Variants in TRPC6 observed in about 807,000 individuals in gnomAD.
The protein encoded by TRPC6 is transient receptor potential cation channel subfamily C member 6, also known as short transient receptor potential channel 6.
A neutral mutation model predicts 90.7 loss-of-function variants in TRPC6; 55 were observed. The ratio of observed to expected loss-of-function variants is 0.61; its 90% CI spans 0.49 to 0.76. TRPC6 has a LOEUF of 0.76. Ranked by LOEUF, TRPC6 falls within the 30% of genes least tolerant of loss-of-function variation. The probability of loss-of-function intolerance (pLI) is 0.00; values close to 1 mark genes in which losing one functional copy is unlikely to be tolerated. For synonymous variants in TRPC6, 393 were observed against 393.0 expected (o/e 1.00, Z 0.00); for missense variants, 989 against 1,122.7 (o/e 0.88, Z 1.70).
At chr11:101,538,692 C>T (rs1027095737) in intron 1 of TRPC6, among the ~76,000 whole-genome samples, 7 of 152,142 alleles carry the variant, frequency 4.6e-5, no homozygotes, top group Non-Finnish European at 8.8e-5. Flanking sequence ...AGGCAGGAGA[C>T]GTAAGGCAGA....
chr11:101,541,213 T>G lies in TRPC6; in HGVS notation c.171-36415A>C, dbSNP rs188094665. 7.8e-3 allele frequency among the ~76,000 whole-genome samples: 1,194 copies of G among 152,332 alleles called. 12 individuals carry two copies. Among genetic ancestry groups the G allele is most frequent in the South Asian group, 0.017 (82 of 4,822 alleles). ...TGATAGATAAAAGCCAGTCTTTTTG[T>G]TTTTTTCTATGATGAAAACATATCC... On this transcript the variant is annotated intron_variant, in intron 1 of 12. Transcript: ENST00000344327.
At chr11:101,525,898 C>T (rs567207577) in intron 1 of TRPC6, among the ~76,000 whole-genome samples, 17 of 152,294 alleles carry the variant, frequency 1.1e-4, no homozygotes, top group Admixed American at 2.6e-4. Flanking sequence ...AAGGAGGCAT[C>T]GCCAGCAGGA....
intron 10 of TRPC6, among the ~76,000 whole-genome samples, chr11:101,463,055 T>C (rs1859044777): frequency 6.6e-6 from 1 of 152,234 alleles, no homozygotes. Flanking sequence ...TTTCTGCATC[T>C]ATTGAGATAA....
In TRPC6 at chr11:101,504,459, A is replaced by T. The variant is rs1253474684; in HGVS notation, c.510T>A (p.Ser170Arg). The change falls in exon 2 of 13, where the codon AGT becomes AGA. Residue 170 changes from serine to arginine, a missense_variant. By Grantham distance (110) the Ser-to-Arg change is moderately radical (BLOSUM62 -1). This residue lies in a region of TRPC6 where 486 missense variants were observed against 591.9 expected (regional missense o/e 0.82). Coordinates refer to ENST00000344327, the MANE Select transcript of TRPC6 (RefSeq NM_004621.6). ...CTTCCACAATCCGAACATAACCTTT[A>T]CTAATAGCTAGAAGCAAAGCATCCC... The part of the protein sequence containing the change: ...RVGDALLLAI[S>R]KGYVRIVEAI... 6.2e-7 allele frequency: 1 copy of T among 1,614,068 alleles called. No individual in the cohort carries two copies. Among genetic ancestry groups the T allele is most frequent in the South Asian group, 1.1e-5 (1 of 91,078 alleles).
chr11:101,579,468 A>G (rs1004535923), intron 1 of TRPC6, among the ~76,000 whole-genome samples: 1 of 152,042 alleles, frequency 6.6e-6, no homozygotes, highest in African/African-American at 2.4e-5. Flanking sequence ...CTCTTGGTCG[A>G]TTGTTTCCTT....
chr11:101,471,255 C>T lies in TRPC6; in HGVS notation c.2337G>A (p.Lys779=), dbSNP rs201289003. ...SPKSLFYLLL[K]LKKWISELFQ... is the part of the protein sequence containing the mutation. ...ACAGCTCAGAAATCCATTTTTTAAGCTTCAGTAAGAGATAAAACAGGGACT... is the reference window on the plus strand; with the variant it reads ...ACAGCTCAGAAATCCATTTTTTAAGTTTCAGTAAGAGATAAAACAGGGACT... The change falls in exon 9 of 13, where the codon AAG becomes AAA. Residue 779 remains lysine, a synonymous_variant. Transcript: ENST00000344327. 1.2e-6 allele frequency: 2 copies of T among 1,613,932 alleles called. No homozygotes were observed. The highest frequency in any genetic ancestry group is 1.1e-5 in the South Asian group (1 of 91,086).
At chr11:101,573,854 A>G (rs1862013831) in intron 1 of TRPC6, among the ~76,000 whole-genome samples, 1 of 151,660 alleles carries the variant, frequency 6.6e-6, no homozygotes, top group Non-Finnish European at 1.5e-5. Flanking sequence ...TTTCAGAATG[A>G]ATGGCATGGT....
At chr11:101,519,167 G>A (rs531113864) in intron 1 of TRPC6, among the ~76,000 whole-genome samples, 1 of 152,132 alleles carries the variant, frequency 6.6e-6, no homozygotes, top group Non-Finnish European at 1.5e-5. Context: ...ACTTAACTGT[G>A]TATTTAAAAA....
intron 1 of TRPC6, among the ~76,000 whole-genome samples, chr11:101,512,635 G>C (rs965831579): frequency 1.9e-4 from 29 of 152,216 alleles, no homozygotes; most frequent in Middle Eastern, 3.4e-3. Flanking sequence ...AATAATTAAG[G>C]ACAAGTTGAG....
intron 9 of TRPC6, among the ~76,000 whole-genome samples, chr11:101,470,299 G>A (rs1220097470): frequency 6.6e-6 from 1 of 151,990 alleles, no homozygotes; most frequent in South Asian, 2.1e-4. Context: ...TCCCATTTTT[G>A]AAAAACAAGT....
At chr11:101,493,825 T>TG (rs1195353468) in intron 2 of TRPC6, among the ~76,000 whole-genome samples, 2 of 152,102 alleles carry the variant, frequency 1.3e-5, no homozygotes, top group African/African-American at 2.4e-5. Flanking sequence ...AGGCCATATG[T>TG]GGGGGGTGTC....
At chr11:101,556,457 A>G (rs1416021507) in intron 1 of TRPC6, among the ~76,000 whole-genome samples, 2 of 152,194 alleles carry the variant, frequency 1.3e-5, no homozygotes, top group Non-Finnish European at 2.9e-5. Context: ...TGGATAACCT[A>G]GAAGAAATAA....
intron 1 of TRPC6, among the ~76,000 whole-genome samples, chr11:101,507,605 T>C (rs1860304596): frequency 6.6e-6 from 1 of 152,162 alleles, no homozygotes; most frequent in South Asian, 2.1e-4. Flanking sequence ...GTCCTACCTC[T>C]AAACTTAACT....
At chr11:101,577,321 CTT>C (rs35530656) in intron 1 of TRPC6, among the ~76,000 whole-genome samples, 52,940 of 151,868 alleles carry the variant, frequency 0.35, 10,031 homozygotes, top group Non-Finnish European at 0.44. Context: ...ATAAATATGT[CTT>C]GTTAAGAAAA....
At chr11:101,501,628 T>C (rs1860128190) in intron 2 of TRPC6, among the ~76,000 whole-genome samples, 2 of 152,120 alleles carry the variant, frequency 1.3e-5, no homozygotes, top group South Asian at 4.1e-4. Context: ...GGCTCACCCT[T>C]GTATGGCAGT....
chr11:101,567,868 T>C (rs1861872046), intron 1 of TRPC6, among the ~76,000 whole-genome samples: 2 of 152,172 alleles, frequency 1.3e-5, no homozygotes, highest in African/African-American at 2.4e-5. Flanking sequence ...CCAAAGGTCA[T>C]GGACTTCAAA....
At chr11:101,478,269 G>A (rs913253353) in intron 5 of TRPC6, among the ~76,000 whole-genome samples, 4 of 152,158 alleles carry the variant, frequency 2.6e-5, no homozygotes, top group African/African-American at 9.7e-5. Context: ...CTTATTTTGA[G>A]TTGTTTCAAG....
rs575542401 is a variant in TRPC6, at chr11:101,533,647, T to C, written c.171-28849A>G. On this transcript the variant is annotated intron_variant, in intron 1 of 12. Transcript: ENST00000344327. Reference sequence around the variant, plus strand: ...AGTCATAGCAGAAAGAGCCTGACCATACTGGGATCTTGGTGTCACTCCTAA... The same window carrying C: ...AGTCATAGCAGAAAGAGCCTGACCACACTGGGATCTTGGTGTCACTCCTAA... Among the ~76,000 whole-genome samples the C allele has an allele frequency of 3.3e-5, 5 of 152,314 alleles. No individual in the cohort carries two copies. In the South Asian group the frequency reaches 8.3e-4, roughly 25 times the overall value.
chr11:101,534,207 C>A (rs2136804498), intron 1 of TRPC6, among the ~76,000 whole-genome samples: 1 of 152,280 alleles, frequency 6.6e-6, no homozygotes, highest in East Asian at 1.9e-4. Context: ...GCCATCTCAG[C>A]TCACTGCAAC....
Sources: allele counts gnomAD v4.1 joint callset (sites outside exome capture counted in the v4.1 genomes callset), GRCh38; gene constraint gnomAD v4.1.1; regional missense constraint gnomAD v4.1.1; transcripts MANE v1.5; gene names NCBI Gene and HGNC (gene_info 2026-07-23, HGNC 2026-07-21).